RAPGEF5: variants seen among roughly 807,000 people sequenced by gnomAD.
The protein encoded by RAPGEF5 is Rap guanine nucleotide exchange factor 5.
In RAPGEF5, 65 loss-of-function variants were observed where a neutral mutation model predicts 125.2. The ratio of observed to expected loss-of-function variants is 0.52; its 90% CI spans 0.43 to 0.64. The LOEUF is 0.64. Among genes scored for constraint, RAPGEF5 ranks in the 30% least tolerant of loss-of-function variants. RAPGEF5 has a pLI of 0.00. For missense variants in RAPGEF5, 958 were observed against 1,048.1 expected (o/e 0.91, Z 1.19); for synonymous variants, 391 against 385.9 (o/e 1.01, Z -0.16).
At chr7:22,258,624 CAAAAA>C (rs34352575) in intron 7 of RAPGEF5, among the ~76,000 whole-genome samples, 1 of 45,808 alleles carries the variant, frequency 2.2e-5, no homozygotes, top group African/African-American at 8.9e-5. Flanking sequence ...AACTCCGTCT[CAAAAA>C]AAAAAAAAAA....
At chr7:22,161,895 C>T (rs186493472) in intron 13 of RAPGEF5, among the ~76,000 whole-genome samples, 45 of 152,234 alleles carry the variant, frequency 3.0e-4, no homozygotes, top group African/African-American at 8.9e-4. Context: ...AGATAATCAT[C>T]TGTGTTGAAA....
rs563487676 is a variant in RAPGEF5 at position 22,123,055 on chromosome 7, T to A, written c.2537-534A>T. Among the ~76,000 whole-genome samples, 29 of 152,210 alleles carry A rather than the reference T, an allele frequency of 1.9e-4. 1 individual carries two copies. Among genetic ancestry groups the A allele is most frequent in the Middle Eastern group, 3.4e-3 (1 of 294 alleles). ...TATTCTCATTTTTTGGAAAAAAAAATTTAATGGAGCAACTGAATGAACAGA... is the reference window on the plus strand; with the variant it reads ...TATTCTCATTTTTTGGAAAAAAAAAATTAATGGAGCAACTGAATGAACAGA... On this transcript the variant is annotated intron_variant, in intron 25 of 25. Transcript: ENST00000665637.
At chr7:22,163,868 T>C (rs1417248782) in intron 12 of RAPGEF5, among the ~76,000 whole-genome samples, 1 of 152,214 alleles carries the variant, frequency 6.6e-6, no homozygotes, top group Admixed American at 6.5e-5. Context: ...GGAATAAACT[T>C]TATTTCAGGC....
chr7:22,339,542 T>C (rs377113844), intron 1 of RAPGEF5, among the ~76,000 whole-genome samples: 28 of 152,306 alleles, frequency 1.8e-4, no homozygotes, highest in African/African-American at 6.5e-4. Context: ...AGTAAGTGCA[T>C]GACACAGATT....
At chr7:22,250,554 T>G (rs777413818) in intron 7 of RAPGEF5, among the ~76,000 whole-genome samples, 13 of 152,198 alleles carry the variant, frequency 8.5e-5, no homozygotes, top group Non-Finnish European at 1.5e-4. Flanking sequence ...CCAATTAGAC[T>G]TTTAATGTGA....
chr7:22,343,010 T>C (rs913337565), intron 1 of RAPGEF5, among the ~76,000 whole-genome samples: 1 of 152,228 alleles, frequency 6.6e-6, no homozygotes, highest in Non-Finnish European at 1.5e-5. Context: ...ATCAATTTAC[T>C]GTATTAGTCC....
At chr7:22,352,075 G>A (rs1360994646) in intron 1 of RAPGEF5, among the ~76,000 whole-genome samples, 1 of 152,176 alleles carries the variant, frequency 6.6e-6, no homozygotes, top group East Asian at 1.9e-4. Flanking sequence ...ATCACTGAAG[G>A]TCTTTGGTGA....
intron 1 of RAPGEF5, among the ~76,000 whole-genome samples, chr7:22,344,771 TA>T (rs1037563314): frequency 1.3e-5 from 2 of 152,244 alleles, no homozygotes; most frequent in Non-Finnish European, 2.9e-5. Flanking sequence ...TTTCTTTTTT[TA>T]AACTGCCAGT....
Position 22,136,141 on chromosome 7 carries a change from G to T in RAPGEF5, c.2329-16C>A. On this transcript the variant is annotated splice_polypyrimidine_tract_variant and intron_variant, in intron 22 of 25. Transcript: ENST00000665637. ...GGGAAGGATCCTGCCGAACCAAGCAGATTACAAAGAGAAAGAAAAATCAAT... is the reference window on the plus strand; with the variant it reads ...GGGAAGGATCCTGCCGAACCAAGCATATTACAAAGAGAAAGAAAAATCAAT... 6.4e-7 allele frequency: 1 copy of T among 1,563,450 alleles called. No homozygotes were observed. The highest frequency in any genetic ancestry group is 8.7e-7 in the Non-Finnish European group (1 of 1,146,878).
chr7:22,312,521 C>G (rs1230572093), intron 3 of RAPGEF5, among the ~76,000 whole-genome samples: 1 of 152,074 alleles, frequency 6.6e-6, no homozygotes, highest in Non-Finnish European at 1.5e-5. Flanking sequence ...ATTCCACATT[C>G]CTAACAGGCT....
intron 6 of RAPGEF5, among the ~76,000 whole-genome samples, chr7:22,290,952 C>T (rs1435677391): frequency 6.6e-6 from 1 of 152,066 alleles, no homozygotes; most frequent in African/African-American, 2.4e-5. Flanking sequence ...ACAAAGGTTG[C>T]AGGAACTTTC....
chr7:22,280,720 A>G (rs1473252505), intron 6 of RAPGEF5, among the ~76,000 whole-genome samples: 1 of 152,224 alleles, frequency 6.6e-6, no homozygotes, highest in Non-Finnish European at 1.5e-5. Flanking sequence ...TATAGGTACA[A>G]AAGCCATTTA....
intron 6 of RAPGEF5, 88 bp downstream of exon 6, chr7:22,291,087 C>T (rs770382325): frequency 8.2e-5 from 117 of 1,419,960 alleles, no homozygotes; most frequent in Non-Finnish European, 1.0e-4. Flanking sequence ...GAAAATGTCT[C>T]TCTACACCAT....
At chr7:22,339,299 T>C (rs1473914738) in intron 1 of RAPGEF5, among the ~76,000 whole-genome samples, 1 of 152,240 alleles carries the variant, frequency 6.6e-6, no homozygotes, top group African/African-American at 2.4e-5. Context: ...CTCTGCCTTA[T>C]GCCTCTCAGT....
rs571476383 is a variant in RAPGEF5, at chr7:22,304,713, A to G, written c.680+3626T>C. Among the ~76,000 whole-genome samples, 57 of 152,320 alleles carry G rather than the reference A, an allele frequency of 3.7e-4. 1 individual carries two copies. The East Asian group carries it at 8.9e-3, about 24-fold the overall frequency. Reference sequence around the variant, plus strand: ...AGGAAAGGCTGAAAGGAGCTGCTGAAGAACGCCAGTCCCAAACAGTCACTG... The same window carrying G: ...AGGAAAGGCTGAAAGGAGCTGCTGAGGAACGCCAGTCCCAAACAGTCACTG... On this transcript the variant is annotated intron_variant, in intron 5 of 25. Transcript: ENST00000665637.
chr7:22,121,482 C>G lies in RAPGEF5; in HGVS notation c.*924G>C, dbSNP rs60563566. ...GTGGGCAAGGAGCCTGTATGAGGTA[C>G]GCAAAATGCATCATCAGGCACAAGA... On this transcript the variant is annotated 3_prime_UTR_variant, in exon 26 of 26. Transcript: ENST00000665637. 10 of 152,300 alleles carry G rather than the reference C, an allele frequency of 6.6e-5. No homozygotes were observed. Among genetic ancestry groups the G allele is most frequent in the South Asian group, 4.1e-4 (2 of 4,826 alleles). The allele number at this position is 152,300 out of a possible 1,614,324, so 9.4% of individuals were successfully genotyped here. A position where few individuals can be genotyped will look rare whatever the true frequency, so the allele number is the denominator to read the frequency against.
chr7:22,145,140 T>C lies in RAPGEF5; in HGVS notation c.2090A>G (p.Asn697Ser), dbSNP rs752069313. 4.3e-6 allele frequency: 7 copies of C among 1,613,798 alleles called. No homozygotes were observed. Among genetic ancestry groups the C allele is most frequent in the Middle Eastern group, 1.6e-4 (1 of 6,062 alleles). ...ANLSLLLQRC[N>S]EVQLWVATEI... Reference sequence around the variant, plus strand: ...CGTGGCCACCCAAAGCTGGACCTCATTGCATCTCTGGAGCAGAAGGCTGAG... The same window carrying C: ...CGTGGCCACCCAAAGCTGGACCTCACTGCATCTCTGGAGCAGAAGGCTGAG... Residue 697 changes from asparagine (N) to serine (S), a missense_variant, in exon 20 of 26, where the codon AAT becomes AGT. Physicochemically the swap from Asn to Ser is conservative, Grantham distance 46. Transcript: ENST00000665637.
rs887567083 is a variant in RAPGEF5 at position 22,150,623 on chromosome 7, T to C, written c.1787-119A>G. The C allele has an allele frequency of 7.4e-6, 10 of 1,346,396 alleles. No homozygotes were observed. The African/African-American group carries it at 9.0e-5, about 12-fold the overall frequency. 83.4% of individuals were successfully genotyped at this position (1,346,396 alleles called of 1,614,324 possible). A position where few individuals can be genotyped will look rare whatever the true frequency, so the allele number is the denominator to read the frequency against. ...CCAAAGAAAAATACTTAAAAGTAAATAGAACTTAAAGTGGATTAATTAAGT... is the reference window on the plus strand; with the variant it reads ...CCAAAGAAAAATACTTAAAAGTAAACAGAACTTAAAGTGGATTAATTAAGT... On this transcript the variant is annotated intron_variant, in intron 17 of 25. Transcript: ENST00000665637.
At chr7:22,310,148 A>T (rs1783435769) in intron 3 of RAPGEF5, 58 bp from the exon 4 acceptor site, 3 of 1,415,242 alleles carry the variant, frequency 2.1e-6, no homozygotes, top group Middle Eastern at 1.8e-4. Context: ...TTGCCAAAAA[A>T]ACAAAAATGA....
Sources: allele counts gnomAD v4.1 joint callset (sites outside exome capture counted in the v4.1 genomes callset), GRCh38; gene constraint gnomAD v4.1.1; transcripts MANE v1.5; gene names NCBI Gene and HGNC (gene_info 2026-07-23, HGNC 2026-07-21).